The following BRCA2 variants were observed in gnomAD, a reference collection of about 807,000 sequenced individuals.
BRCA2 encodes breast cancer type 2 susceptibility protein.
BRCA2 carries 203 observed loss-of-function variants against 276.7 expected under a neutral mutation model. That is an observed-to-expected ratio of 0.73 (90% CI 0.65 to 0.82). BRCA2 has a LOEUF of 0.82. BRCA2 is among the 40% of genes least tolerant of loss of function. BRCA2 has a pLI of 0.00. For synonymous variants in BRCA2, 1,289 were observed against 1,338.4 expected (o/e 0.96, Z 0.81); for missense variants, 3,920 against 3,915.0 (o/e 1.00, Z -0.03).
rs1566245706 is a variant in BRCA2 at position 32,363,410 on chromosome 13, C to T, written c.8208C>T (p.Leu2736=). The T allele has an allele frequency of 6.2e-7, 1 of 1,614,174 alleles. No homozygotes were observed. Among genetic ancestry groups the T allele is most frequent in the Non-Finnish European group, 8.5e-7 (1 of 1,180,022 alleles). ...TTAAGGCCCAGTTAGATCCTCCCCT[C>T]TTAGCTGTCTTAAAGAATGGCAGAC... ...YAVKAQLDPP[L]LAVLKNGRLT... Residue 2736 remains leucine, a synonymous_variant, in exon 18 of 27, where the codon CTC becomes CTT. Transcript: ENST00000380152.
At chr13:32,376,848 G>C (rs775629984) in intron 21 of BRCA2, 57 bp downstream of exon 21, 33 of 1,602,128 alleles carry the variant, frequency 2.1e-5, no homozygotes, top group Non-Finnish European at 2.8e-5. Context: ...GTGAGAAGCT[G>C]TTTTAGACTC....
At chr13:32,328,302 C>T (rs1446029257) in intron 7 of BRCA2, among the ~76,000 whole-genome samples, 1 of 150,746 alleles carries the variant, frequency 6.6e-6, no homozygotes, top group Non-Finnish European at 1.5e-5. Flanking sequence ...AGTACAGTGG[C>T]ACCATCTCGG....
intron 8 of BRCA2, 64 bp downstream of exon 8, chr13:32,329,556 A>T: frequency 8.1e-7 from 1 of 1,239,940 alleles, no homozygotes; most frequent in East Asian, 2.4e-5. Context: ...GCCTTGTTAA[A>T]TTATTTATCT....
In BRCA2 at chr13:32,370,971, T is replaced by C. The variant is rs11571746; in HGVS notation, c.8503T>C (p.Ser2835Pro). The C allele has an allele frequency of 3.8e-4, 612 of 1,614,036 alleles. 2 individuals carry two copies. In the African/African-American group the frequency reaches 5.2e-3, roughly 14 times the overall value. ...AYPIQWMEKT[S>P]SGLYIFRNER... is the part of the protein sequence containing the mutation. Reference sequence around the variant, plus strand: ...ATTATTACAGTGGATGGAGAAGACATCATCTGGATTATACATATTTCGCAA... The same window carrying C: ...ATTATTACAGTGGATGGAGAAGACACCATCTGGATTATACATATTTCGCAA... The change falls in exon 20 of 27, where the codon TCA (serine) becomes CCA (proline). Residue 2835 changes from serine (S) to proline (P), a missense_variant. By Grantham distance (74) the Ser-to-Pro change is moderately conservative. This residue lies in a region of BRCA2 where 657 missense variants were observed against 758.2 expected (regional missense o/e 0.87). Transcript: ENST00000380152.
At chr13:32,378,749 T>A (rs2072890933) in intron 21 of BRCA2, among the ~76,000 whole-genome samples, 1 of 152,208 alleles carries the variant, frequency 6.6e-6, no homozygotes, top group Non-Finnish European at 1.5e-5. Context: ...AGAAATTTGC[T>A]AAAGTGAGTA....
At chr13:32,317,794 T>C (rs1421315206) in intron 2 of BRCA2, among the ~76,000 whole-genome samples, 1 of 152,248 alleles carries the variant, frequency 6.6e-6, no homozygotes, top group African/African-American at 2.4e-5. Flanking sequence ...ACAAGATCAC[T>C]TCATTGATTT....
intron 11 of BRCA2, among the ~76,000 whole-genome samples, chr13:32,342,200 G>A (rs1211333668): frequency 1.3e-5 from 2 of 151,534 alleles, no homozygotes; most frequent in African/African-American, 2.4e-5. Context: ...CTGAACCTGG[G>A]AGGTGGAGGG....
In BRCA2 at chr13:32,361,123, A is replaced by G. The variant is rs569667715; in HGVS notation, c.7806-1400A>G. On this transcript the variant is annotated intron_variant, in intron 16 of 26. Coordinates refer to ENST00000380152, the MANE Select transcript of BRCA2 (RefSeq NM_000059.4). ...ATAAATCAATTCACAAGTCATCGGC[A>G]TATAGATGGACTTGAAGGCCATGAA... is the stretch of plus-strand genomic sequence containing the variant. Among the ~76,000 whole-genome samples, 3 of 152,348 alleles carry G rather than the reference A, an allele frequency of 2.0e-5. No individual in the cohort carries two copies. The East Asian group carries it at 5.8e-4, about 29-fold the overall frequency.
intron 13 of BRCA2, among the ~76,000 whole-genome samples, chr13:32,347,650 C>T (rs1337936263): frequency 1.3e-5 from 2 of 152,148 alleles, no homozygotes; most frequent in South Asian, 2.1e-4. Flanking sequence ...AGATCAGATA[C>T]AAATCTGTAT....
At position 32,319,058 on chromosome 13, in the gene BRCA2, G is replaced by A. The variant is rs747261314; in HGVS notation, c.68-19G>A. The A allele has an allele frequency of 1.2e-6, 2 of 1,611,286 alleles. No homozygotes were observed. The highest frequency in any genetic ancestry group is 1.3e-5 in the African/African-American group (1 of 74,820). On this transcript the variant is annotated intron_variant, in intron 2 of 26. Coordinates refer to ENST00000380152, the MANE Select transcript of BRCA2 (RefSeq NM_000059.4). ...TCTGTCACTGGTTAAAACTAAGGTG[G>A]GATTTTTTTTTTAAATAGATTTAGG...
intron 20 of BRCA2, among the ~76,000 whole-genome samples, chr13:32,371,340 C>T (rs1461077727): frequency 6.6e-6 from 1 of 151,910 alleles, no homozygotes; most frequent in Non-Finnish European, 1.5e-5. Flanking sequence ...TATGATGTGG[C>T]TTTTGCATTT....
intron 6 of BRCA2, 31 bp from the exon 7 acceptor site, chr13:32,326,468 A>G: frequency 2.0e-6 from 3 of 1,532,880 alleles, no homozygotes; most frequent in Non-Finnish European, 9.0e-7. Flanking sequence ...GGGCATTTCT[A>G]TAAAAAATAA....
At chr13:32,352,657 C>A (rs1256602135) in intron 13 of BRCA2, among the ~76,000 whole-genome samples, 4 of 152,034 alleles carry the variant, frequency 2.6e-5, no homozygotes, top group Non-Finnish European at 2.9e-5. Flanking sequence ...GAGGTTAGGA[C>A]CAAATAGGAA....
At chr13:32,386,282 C>A (rs1347366780) in intron 24 of BRCA2, among the ~76,000 whole-genome samples, 1 of 152,142 alleles carries the variant, frequency 6.6e-6, no homozygotes, top group Non-Finnish European at 1.5e-5. Flanking sequence ...GTGGCACACA[C>A]CTGTAATCCC....
chr13:32,346,473 C>T (rs1566237591), intron 12 of BRCA2, among the ~76,000 whole-genome samples: 1 of 152,012 alleles, frequency 6.6e-6, no homozygotes, highest in Non-Finnish European at 1.5e-5. Context: ...GTTCCAGTTA[C>T]ATACTGAGAA....
chr13:32,385,067 T>A (rs989256495), intron 24 of BRCA2: 3 of 291,210 alleles, frequency 1.0e-5, no homozygotes, highest in Non-Finnish European at 2.1e-5. Context: ...TGTCACAGAA[T>A]GGAATGTCCA....
chr13:32,322,052 A>AT lies in BRCA2; in HGVS notation c.316+2731dup, dbSNP rs562782653. 9.9e-5 allele frequency among the ~76,000 whole-genome samples: 15 copies of AT among 152,134 alleles called. No homozygotes were observed. In the East Asian group the frequency reaches 2.9e-3, roughly 29 times the overall value. On this transcript the variant is annotated intron_variant, in intron 3 of 26. Transcript: ENST00000380152. ...GTTCACCCTTTGTATGGTTCTATGG[A>AT]TTTTGACAAATTGTATAATGTCGTA...
chr13:32,345,383 C>T (rs549739396), intron 12 of BRCA2, among the ~76,000 whole-genome samples: 74 of 152,146 alleles, frequency 4.9e-4, no homozygotes, highest in African/African-American at 1.7e-3. Context: ...TAACATTTTA[C>T]TAATAAGACA....
intron 4 of BRCA2, 140 bp from the exon 5 acceptor site, chr13:32,325,960 CT>C: frequency 3.9e-6 from 3 of 766,076 alleles, no homozygotes; most frequent in Non-Finnish European, 4.2e-6. Context: ...GAGAGATTTA[CT>C]TTTTAAAATG....
Sources: gnomAD v4.1 joint callset for allele counts (sites outside exome capture counted in the v4.1 genomes callset) on GRCh38, gnomAD v4.1.1 for gene constraint, gnomAD v4.1.1 regional missense constraint, MANE v1.5 for transcripts, NCBI Gene and HGNC (gene_info 2026-07-23, HGNC 2026-07-21) for gene names.